Variants in ME1 observed in about 807,000 individuals in gnomAD.
The protein encoded by ME1 is malic enzyme 1.
Under a neutral mutation model 66.4 loss-of-function variants are expected in ME1, and 74 were observed. That is an observed-to-expected ratio of 1.11 (90% CI 0.92 to 1.35). The LOEUF is 1.35. ME1 is among the 40% of genes most tolerant of loss of function. The pLI, the probability that ME1 is intolerant of heterozygous loss-of-function variation, is 0.00. For missense variants in ME1, 750 were observed against 694.1 expected (o/e 1.08, Z -0.90); for synonymous variants, 251 against 235.6 (o/e 1.07, Z -0.60).
At chr6:83,329,427 C>T (rs1194977619) in intron 5 of ME1, among the ~76,000 whole-genome samples, 10 of 152,142 alleles carry the variant, frequency 6.6e-5, no homozygotes, top group African/African-American at 2.4e-4. Flanking sequence ...ACTCTGCTCT[C>T]CTAGAATGTA....
chr6:83,260,420 T>C (rs1766861707), intron 6 of ME1, among the ~76,000 whole-genome samples: 1 of 152,190 alleles, frequency 6.6e-6, no homozygotes, highest in Non-Finnish European at 1.5e-5. Flanking sequence ...TTGTTGTTGT[T>C]TTTAAACTTT....
At chr6:83,376,616 C>T (rs1382816658) in intron 3 of ME1, among the ~76,000 whole-genome samples, 12 of 147,526 alleles carry the variant, frequency 8.1e-5, no homozygotes, top group East Asian at 2.0e-4. Flanking sequence ...ACCTGGCCAA[C>T]GTGGCGAAAC....
At chr6:83,415,767 T>C (rs1282327900) in intron 1 of ME1, among the ~76,000 whole-genome samples, 1 of 152,220 alleles carries the variant, frequency 6.6e-6, no homozygotes, top group Non-Finnish European at 1.5e-5. Flanking sequence ...AAACCAGGCA[T>C]TCAAGATCAA....
chr6:83,354,031 T>G (rs970854404), intron 3 of ME1, among the ~76,000 whole-genome samples: 1 of 152,280 alleles, frequency 6.6e-6, no homozygotes, highest in African/African-American at 2.4e-5. Context: ...CTTTGCTGCC[T>G]CCTCCTCCTC....
intron 2 of ME1, among the ~76,000 whole-genome samples, chr6:83,400,100 C>T (rs1769812221): frequency 6.6e-6 from 1 of 152,142 alleles, no homozygotes; most frequent in Non-Finnish European, 1.5e-5. Context: ...TCTGGTCATT[C>T]CTTTTCTGTT....
At chr6:83,391,373 T>C (rs540937263) in intron 3 of ME1, among the ~76,000 whole-genome samples, 1 of 152,256 alleles carries the variant, frequency 6.6e-6, no homozygotes, top group East Asian at 1.9e-4. Context: ...GTGGCTGTCT[T>C]CATTTTTATC....
intron 1 of ME1, among the ~76,000 whole-genome samples, chr6:83,414,247 A>T (rs1020737014): frequency 2.0e-5 from 3 of 152,110 alleles, no homozygotes; most frequent in African/African-American, 7.2e-5. Context: ...ATCATATAAA[A>T]ATAATTACTT....
chr6:83,269,371 G>T (rs1233693829), intron 6 of ME1, among the ~76,000 whole-genome samples: 1 of 152,048 alleles, frequency 6.6e-6, no homozygotes, highest in Non-Finnish European at 1.5e-5. Context: ...ATATTCTTGG[G>T]AGGCTTTGAT....
At chr6:83,351,714 T>C (rs1466798567) in intron 4 of ME1, among the ~76,000 whole-genome samples, 1 of 152,218 alleles carries the variant, frequency 6.6e-6, no homozygotes, top group Non-Finnish European at 1.5e-5. Context: ...TAACAGACTT[T>C]TTTTCTTGCC....
intron 1 of ME1, among the ~76,000 whole-genome samples, chr6:83,430,466 C>T (rs1218966255): frequency 6.6e-6 from 1 of 152,252 alleles, no homozygotes; most frequent in Non-Finnish European, 1.5e-5. Flanking sequence ...AATTGCCACA[C>T]TGTGTGTGCA....
At chr6:83,214,929 C>T (rs1236541558) in intron 13 of ME1, among the ~76,000 whole-genome samples, 2 of 152,042 alleles carry the variant, frequency 1.3e-5, no homozygotes, top group East Asian at 1.9e-4. Flanking sequence ...TTTGGCACTC[C>T]CCTGCTGTCC....
At chr6:83,242,256 A>T (rs1005588096) in intron 7 of ME1, among the ~76,000 whole-genome samples, 9 of 152,224 alleles carry the variant, frequency 5.9e-5, no homozygotes, top group African/African-American at 2.2e-4. Flanking sequence ...TTACGACTTT[A>T]ACATAAACAT....
chr6:83,349,893 G>A lies in ME1; in HGVS notation c.438+2171C>T, dbSNP rs149320320. The stretch of plus-strand genomic sequence containing the variant: ...TCTAAAAACACCCCATTCTCTTACC[G>A]AACTTGATATCTACATTCACCTGTT... On this transcript the variant is annotated intron_variant, in intron 4 of 13. Coordinates refer to ENST00000369705, the MANE Select transcript of ME1 (RefSeq NM_002395.6). Among the ~76,000 whole-genome samples the A allele has an allele frequency of 7.5e-3, 1,148 of 152,082 alleles. 12 individuals are homozygous for A. Among genetic ancestry groups the A allele is most frequent in the African/African-American group, 0.026 (1,065 of 41,482 alleles).
At chr6:83,348,459 A>G (rs1768728769) in intron 4 of ME1, among the ~76,000 whole-genome samples, 1 of 152,116 alleles carries the variant, frequency 6.6e-6, no homozygotes, top group African/African-American at 2.4e-5. Context: ...GATATGTTTT[A>G]TAAGGAGAGT....
intron 3 of ME1, chr6:83,392,622 CA>C (rs1353959219): frequency 1.0e-5 from 6 of 580,046 alleles, no homozygotes; most frequent in Non-Finnish European, 1.0e-5. Flanking sequence ...AGCTTGTTAT[CA>C]ATGGAAATCT....
At chr6:83,244,257 T>G (rs1209653331) in intron 7 of ME1, among the ~76,000 whole-genome samples, 2 of 152,014 alleles carry the variant, frequency 1.3e-5, no homozygotes, top group Admixed American at 6.6e-5. Context: ...CCCAACCAAG[T>G]CACCTTACAG....
At chr6:83,305,307 A>G (rs886357728) in intron 6 of ME1, among the ~76,000 whole-genome samples, 1 of 152,160 alleles carries the variant, frequency 6.6e-6, no homozygotes, top group Non-Finnish European at 1.5e-5. Context: ...CAATAAGCAT[A>G]AACATAATAA....
chr6:83,228,443 C>T (rs1160867112), intron 10 of ME1, among the ~76,000 whole-genome samples: 1 of 152,154 alleles, frequency 6.6e-6, no homozygotes, highest in Admixed American at 6.5e-5. Flanking sequence ...TAGCCCCTCC[C>T]TTTACTCCCT....
At chr6:83,293,788 A>G (rs1767547534) in intron 6 of ME1, among the ~76,000 whole-genome samples, 1 of 152,110 alleles carries the variant, frequency 6.6e-6, no homozygotes, top group Non-Finnish European at 1.5e-5. Flanking sequence ...CTTTTGCCCA[A>G]TTCCTATTTC....
Sources: gnomAD v4.1 joint callset for allele counts (sites outside exome capture counted in the v4.1 genomes callset) on GRCh38, gnomAD v4.1.1 for gene constraint, MANE v1.5 for transcripts, NCBI Gene and HGNC (gene_info 2026-07-23, HGNC 2026-07-21) for gene names.